Variants in CTNNA3 observed in about 807,000 individuals in gnomAD.
CTNNA3 encodes catenin alpha 3, also known as catenin alpha-3.
Under a neutral mutation model 95.7 loss-of-function variants are expected in CTNNA3, and 76 were observed. The ratio of observed to expected loss-of-function variants is 0.79; its 90% CI spans 0.66 to 0.96. The LOEUF (loss-of-function observed/expected upper bound fraction) is 0.96, where lower values mean the gene tolerates loss of function less well. Among genes scored for constraint, CTNNA3 ranks in the 40% least tolerant of loss-of-function variants. The pLI is 0.00. For missense variants in CTNNA3, 1,191 were observed against 1,089.8 expected (o/e 1.09, Z -1.31); for synonymous variants, 431 against 374.4 (o/e 1.15, Z -1.74).
At chr10:67,726,962 TTATA>T (rs376450997) in intron 1 of CTNNA3, among the ~76,000 whole-genome samples, 1 of 113,412 alleles carries the variant, frequency 8.8e-6, no homozygotes, top group Non-Finnish European at 1.6e-5. Flanking sequence ...TATTATATAA[TTATA>T]TATATAATAT....
chr10:66,941,257 T>C (rs989799066), intron 7 of CTNNA3, among the ~76,000 whole-genome samples: 3 of 152,174 alleles, frequency 2.0e-5, no homozygotes, highest in Non-Finnish European at 2.9e-5. Context: ...ACACAGAACA[T>C]GAAGAGGCAA....
chr10:66,103,671 T>A (rs1343851394), intron 13 of CTNNA3, among the ~76,000 whole-genome samples: 1 of 152,188 alleles, frequency 6.6e-6, no homozygotes, highest in Non-Finnish European at 1.5e-5. Flanking sequence ...TGTCTGCAAT[T>A]GGCAAATCTA....
At chr10:67,618,495 C>A (rs1055830523) in intron 2 of CTNNA3, among the ~76,000 whole-genome samples, 2 of 152,178 alleles carry the variant, frequency 1.3e-5, no homozygotes, top group African/African-American at 4.8e-5. Flanking sequence ...GTTTTATCTG[C>A]ATTTCCCTCC....
At chr10:67,392,671 G>T (rs1452942714) in intron 5 of CTNNA3, among the ~76,000 whole-genome samples, 1 of 152,130 alleles carries the variant, frequency 6.6e-6, no homozygotes, top group African/African-American at 2.4e-5. Context: ...GTCCATCAAT[G>T]ATAGACTGGA....
intron 11 of CTNNA3, among the ~76,000 whole-genome samples, chr10:66,459,589 A>C (rs2131843927): frequency 6.6e-6 from 1 of 152,298 alleles, no homozygotes; most frequent in South Asian, 2.1e-4. Context: ...AATGGTGGGA[A>C]TACATTCTGA....
intron 3 of CTNNA3, among the ~76,000 whole-genome samples, chr10:67,591,999 T>A (rs965671846): frequency 6.6e-6 from 1 of 152,076 alleles, no homozygotes; most frequent in Non-Finnish European, 1.5e-5. Context: ...GAACTGCCAG[T>A]TCAGCATTAG....
chr10:66,356,064 T>G (rs1363830099), intron 12 of CTNNA3, among the ~76,000 whole-genome samples: 2 of 151,900 alleles, frequency 1.3e-5, no homozygotes, highest in Admixed American at 1.3e-4. Context: ...ACTATAGTTT[T>G]ATAGTGCAAG....
chr10:67,252,196 G>A (rs1224798829), intron 5 of CTNNA3, among the ~76,000 whole-genome samples: 3 of 141,370 alleles, frequency 2.1e-5, no homozygotes, highest in African/African-American at 5.6e-5. Context: ...GGGCAACAGA[G>A]CAACAGAGTG....
intron 17 of CTNNA3, among the ~76,000 whole-genome samples, chr10:65,944,019 T>A (rs576932851): frequency 6.6e-6 from 1 of 152,370 alleles, no homozygotes; most frequent in Admixed American, 6.5e-5. Context: ...GTATGCATTT[T>A]TATATGTAGG....
intron 11 of CTNNA3, among the ~76,000 whole-genome samples, chr10:66,460,138 A>G (rs2093519123): frequency 6.6e-6 from 1 of 152,114 alleles, no homozygotes; most frequent in South Asian, 2.1e-4. Flanking sequence ...CTATTTGATT[A>G]TTTTTGTGTC....
chr10:67,234,290 C>A (rs1036511720), intron 5 of CTNNA3, among the ~76,000 whole-genome samples: 2 of 152,208 alleles, frequency 1.3e-5, no homozygotes, highest in African/African-American at 4.8e-5. Flanking sequence ...CCAAATCCAG[C>A]AGCACATCAA....
chr10:67,294,270 T>C (rs908521179), intron 5 of CTNNA3, among the ~76,000 whole-genome samples: 3 of 152,260 alleles, frequency 2.0e-5, no homozygotes, highest in African/African-American at 4.8e-5. Context: ...GGAAATCTAA[T>C]ACTCGAGTAA....
intron 13 of CTNNA3, among the ~76,000 whole-genome samples, chr10:66,204,694 C>A (rs2087648329): frequency 6.6e-6 from 1 of 152,138 alleles, no homozygotes; most frequent in Admixed American, 6.6e-5. Flanking sequence ...TCTATTATAG[C>A]ACTTTTAAGA....
intron 9 of CTNNA3, among the ~76,000 whole-genome samples, chr10:66,664,515 C>T (rs1846373397): frequency 6.6e-6 from 1 of 151,978 alleles, no homozygotes; most frequent in Non-Finnish European, 1.5e-5. Context: ...TGAAGCTAGC[C>T]TAGTAGTTGT....
chr10:66,908,674 G>GT (rs960123663), intron 7 of CTNNA3, among the ~76,000 whole-genome samples: 53 of 151,612 alleles, frequency 3.5e-4, no homozygotes, highest in Middle Eastern at 3.4e-3. Context: ...ATTAATCATT[G>GT]TTTTTTTTTA....
rs1176656725 is a variant in CTNNA3, at chr10:66,888,711, T to C, written c.1048-113187A>G. Among the ~76,000 whole-genome samples the C allele has an allele frequency of 3.3e-5, 5 of 152,116 alleles. No individual in the cohort carries two copies. In the East Asian group the frequency reaches 9.6e-4, roughly 29 times the overall value. ...TTAGAATGGTTAAAATCCAAAACAC[T>C]ATAACACCAAATGCTGGCAAGGATA... On this transcript the variant is annotated intron_variant, in intron 7 of 17. Coordinates refer to ENST00000433211, the MANE Select transcript of CTNNA3 (RefSeq NM_013266.4).
At chr10:66,017,847 G>A (rs1050921675) in intron 15 of CTNNA3, among the ~76,000 whole-genome samples, 6 of 152,042 alleles carry the variant, frequency 3.9e-5, no homozygotes, top group Admixed American at 2.0e-4. Context: ...TTAATGGGCT[G>A]TTTGGTTCTA....
At chr10:66,416,582 C>G (rs939238311) in intron 11 of CTNNA3, among the ~76,000 whole-genome samples, 1 of 151,404 alleles carries the variant, frequency 6.6e-6, no homozygotes, top group Admixed American at 6.6e-5. Context: ...ATCTAGTCAC[C>G]TATAAGAAAC....
chr10:66,858,327 C>T (rs564946910), intron 7 of CTNNA3, among the ~76,000 whole-genome samples: 1 of 152,026 alleles, frequency 6.6e-6, no homozygotes, highest in Non-Finnish European at 1.5e-5. Flanking sequence ...AAGATTTTTG[C>T]ATCTATGTTC....
Sources: allele counts gnomAD v4.1 joint callset (sites outside exome capture counted in the v4.1 genomes callset), GRCh38; gene constraint gnomAD v4.1.1; transcripts MANE v1.5; gene names NCBI Gene and HGNC (gene_info 2026-07-23, HGNC 2026-07-21).